The following NDUFV2 variants were observed in gnomAD, a reference collection of about 807,000 sequenced individuals.
NDUFV2 encodes the protein NADH dehydrogenase [ubiquinone] flavoprotein 2, mitochondrial.
NDUFV2 carries 18 observed loss-of-function variants against 31.6 expected under a neutral mutation model. That is an observed-to-expected ratio of 0.57 (90% CI 0.39 to 0.84). The LOEUF (loss-of-function observed/expected upper bound fraction) is 0.84. Ranked by LOEUF, NDUFV2 falls within the 40% of genes least tolerant of loss-of-function variation. The pLI is 0.00. For missense variants in NDUFV2, 314 were observed against 303.6 expected (o/e 1.03, Z -0.26); for synonymous variants, 83 against 99.8 (o/e 0.83, Z 1.01).
chr18:9,124,080 C>G (rs2077964418), intron 5 of NDUFV2, among the ~76,000 whole-genome samples: 1 of 152,034 alleles, frequency 6.6e-6, no homozygotes, highest in Non-Finnish European at 1.5e-5. Flanking sequence ...GCCTGATGCA[C>G]TGCTGTATAA....
At position 9,114,106 on chromosome 18, in the gene NDUFV2, A is replaced by AGCTGTTCAGTGCT. The variant is rs200467476; in HGVS notation, c.55-3727_55-3715dup. On this transcript the variant is annotated intron_variant, in intron 1 of 7. Coordinates refer to ENST00000318388, the MANE Select transcript of NDUFV2 (RefSeq NM_021074.5). ...AATAGAAAAGATGGTCTTAAACAAA[A>AGCTGTTCAGTGCT]GCTGTTCAGTGCTGCTGCTCACCAA... Among the ~76,000 whole-genome samples, 394 of 152,322 alleles carry AGCTGTTCAGTGCT rather than the reference A, an allele frequency of 2.6e-3. 12 individuals are homozygous for AGCTGTTCAGTGCT. The East Asian group carries it at 0.05, about 19-fold the overall frequency.
chr18:9,125,752 T>C (rs1443500082), intron 6 of NDUFV2, among the ~76,000 whole-genome samples: 1 of 151,956 alleles, frequency 6.6e-6, no homozygotes, highest in Non-Finnish European at 1.5e-5. Context: ...TAAGGTAGAT[T>C]TTCTTTTAAG....
At chr18:9,130,414 C>T (rs554513371) in intron 7 of NDUFV2, among the ~76,000 whole-genome samples, 2 of 152,216 alleles carry the variant, frequency 1.3e-5, no homozygotes, top group Admixed American at 6.5e-5. Flanking sequence ...CAAAATTATT[C>T]GTGTCCGAAT....
chr18:9,104,363 G>T (rs1254227934), intron 1 of NDUFV2: 96 of 1,460,296 alleles, frequency 6.6e-5, no homozygotes, highest in Non-Finnish European at 7.4e-6. Flanking sequence ...ATAAGATGTG[G>T]TTTCTGTTTT....
At chr18:9,103,352 G>C (rs2077824825) in intron 1 of NDUFV2, 2 of 387,492 alleles carry the variant, frequency 5.2e-6, no homozygotes, top group East Asian at 7.3e-5. Context: ...AAAGAACGGC[G>C]CCGCAAATAA....
intron 1 of NDUFV2, among the ~76,000 whole-genome samples, chr18:9,114,860 C>G (rs2077890246): frequency 6.6e-6 from 1 of 152,154 alleles, no homozygotes; most frequent in Non-Finnish European, 1.5e-5. Flanking sequence ...GAGAATGCCT[C>G]AGAATAGATT....
intron 2 of NDUFV2, among the ~76,000 whole-genome samples, chr18:9,118,664 G>T (rs1390073081): frequency 6.6e-6 from 1 of 151,970 alleles, no homozygotes; most frequent in South Asian, 2.1e-4. Flanking sequence ...TTAATTGATC[G>T]TAAGTGTTAA....
chr18:9,102,788 C>G lies in NDUFV2; in HGVS notation c.45C>G (p.Thr15=). 6.4e-7 allele frequency: 1 copy of G among 1,574,548 alleles called. No homozygotes were observed. Among genetic ancestry groups the G allele is most frequent in the Non-Finnish European group, 8.6e-7 (1 of 1,162,148 alleles). Residue 15 remains threonine, a synonymous_variant, in exon 1 of 8, where the codon ACC becomes ACG. Transcript: ENST00000318388. ...AALRARAAGL[T]AHWGRHVRNL... is the part of the protein sequence containing the mutation. Reference sequence around the variant, plus strand: ...TCCGGGCCCGGGCGGCTGGCCTCACCGCCCACTGGGTAAGGAGGCTCAAGC... The same window carrying G: ...TCCGGGCCCGGGCGGCTGGCCTCACGGCCCACTGGGTAAGGAGGCTCAAGC...
chr18:9,122,807 T>C, intron 5 of NDUFV2, 126 bp downstream of exon 5: 1 of 903,370 alleles, frequency 1.1e-6, no homozygotes, highest in Non-Finnish European at 1.8e-6. Flanking sequence ...TAGTAATATT[T>C]TGTGTTACTG....
Position 9,122,639 on chromosome 18 carries a change from C to G in NDUFV2, c.427C>G (p.Arg143Gly). The change falls in exon 5 of 8, where the codon CGA becomes GGA. Residue 143 changes from arginine to glycine, a missense_variant. Arg to Gly is a moderately radical substitution (Grantham distance 125). Transcript: ENST00000318388. ...QVCTTTPCML[R>G]NSDSILEAIQ... is the part of the protein sequence containing the mutation. ...CTGCACTACTACACCCTGCATGCTT[C>G]GAAACTCTGACAGCATACTGGAGGC... 1.2e-6 allele frequency: 2 copies of G among 1,613,932 alleles called. No individual in the cohort carries two copies. The highest frequency in any genetic ancestry group is 1.3e-5 in the African/African-American group (1 of 75,020).
chr18:9,120,221 CATATCAT>C (rs1009610757), intron 4 of NDUFV2, among the ~76,000 whole-genome samples: 2 of 152,090 alleles, frequency 1.3e-5, no homozygotes, highest in African/African-American at 4.8e-5. Flanking sequence ...TGTATTACAG[CATATCAT>C]TTATAAAGTG....
intron 1 of NDUFV2, among the ~76,000 whole-genome samples, chr18:9,114,445 C>CTTTTTTT (rs58160760): frequency 7.4e-6 from 1 of 135,890 alleles, no homozygotes. Flanking sequence ...TTGTTTGGAT[C>CTTTTTTT]TTTTTTTTTT....
In NDUFV2 at chr18:9,104,062, A is replaced by G; in HGVS notation, c.54+1265A>G. ...AAAGTACAGTGTTAGAGAGATGAAT[A>G]GGGTCATCCAATGTGGTTTCAAGGT... is the stretch of plus-strand genomic sequence containing the variant. On this transcript the variant is annotated intron_variant, in intron 1 of 7. Coordinates refer to ENST00000318388, the MANE Select transcript of NDUFV2 (RefSeq NM_021074.5). 3.8e-6 allele frequency: 5 copies of G among 1,302,334 alleles called. No individual in the cohort carries two copies. The South Asian group carries it at 6.5e-5, about 17-fold the overall frequency. 80.7% of individuals were successfully genotyped at this position (1,302,334 alleles called of 1,614,324 possible).
At chr18:9,130,664 T>C (rs2078032410) in intron 7 of NDUFV2, among the ~76,000 whole-genome samples, 1 of 152,190 alleles carries the variant, frequency 6.6e-6, no homozygotes, top group Admixed American at 6.5e-5. Context: ...TTATAGTTAT[T>C]CTAAATTAAC....
At chr18:9,132,463 A>G (rs1046907160) in intron 7 of NDUFV2, 3 of 152,228 alleles carry the variant, frequency 2.0e-5, no homozygotes, top group African/African-American at 7.2e-5. Context: ...TTTTAGGCAG[A>G]AAAGAAGAGG....
intron 7 of NDUFV2, among the ~76,000 whole-genome samples, chr18:9,130,710 TAATA>T (rs1470771709): frequency 6.6e-6 from 1 of 152,236 alleles, no homozygotes; most frequent in Non-Finnish European, 1.5e-5. Context: ...GGTATTTTAA[TAATA>T]AATATCTCTG....
At position 9,126,875 on chromosome 18, in the gene NDUFV2, C is replaced by T. The variant is rs2077995417; in HGVS notation, c.624C>T (p.Leu208=). ...ATATTGAAGAAATTATTGATGAGCT[C>T]AAGGCTGGCAAAATCCCAAAACCAG... ...AKDIEEIIDE[L]KAGKIPKPGP... Residue 208 remains leucine (L), a synonymous_variant, in exon 7 of 8, where the codon CTC becomes CTT. Transcript: ENST00000318388. 6.2e-7 allele frequency: 1 copy of T among 1,613,882 alleles called. No individual in the cohort carries two copies. The highest frequency in any genetic ancestry group is 1.1e-5 in the South Asian group (1 of 91,042).
intron 1 of NDUFV2, among the ~76,000 whole-genome samples, chr18:9,105,520 A>C (rs954647710): frequency 9.2e-5 from 14 of 152,180 alleles, no homozygotes; most frequent in African/African-American, 3.4e-4. Flanking sequence ...GTTTTTCTGT[A>C]ATGTTGATGC....
chr18:9,107,022 G>A (rs1358276236), intron 1 of NDUFV2, among the ~76,000 whole-genome samples: 1 of 152,072 alleles, frequency 6.6e-6, no homozygotes. Context: ...AAGGTCGGCT[G>A]ATTAGCAGCC....
Sources: gnomAD v4.1 joint callset for allele counts (sites outside exome capture counted in the v4.1 genomes callset) on GRCh38, gnomAD v4.1.1 for gene constraint, MANE v1.5 for transcripts, NCBI Gene and HGNC (gene_info 2026-07-23, HGNC 2026-07-21) for gene names.